The following CTNNA2 variants were observed in gnomAD, a reference collection of about 807,000 sequenced individuals.
CTNNA2 encodes the protein catenin alpha-2.
In CTNNA2, 42 loss-of-function variants were observed where a neutral mutation model predicts 101.0. The observed-to-expected ratio is 0.42, with a 90% confidence interval of 0.32 to 0.54. CTNNA2 has a LOEUF of 0.54. Among genes scored for constraint, CTNNA2 ranks in the 20% least tolerant of loss-of-function variants. CTNNA2 has a pLI of 0.14. For synonymous variants in CTNNA2, 450 were observed against 456.4 expected (o/e 0.99, Z 0.18); for missense variants, 871 against 1,223.1 (o/e 0.71, Z 4.29).
chr2:79,388,245 C>A (rs1302345735), intron 4 of CTNNA2, among the ~76,000 whole-genome samples: 1 of 152,214 alleles, frequency 6.6e-6, no homozygotes, highest in African/African-American at 2.4e-5. Context: ...GATGACTTCA[C>A]TCTCAAGAAC....
At chr2:79,593,585 A>C (rs924191490) in intron 1 of CTNNA2, among the ~76,000 whole-genome samples, 1 of 151,522 alleles carries the variant, frequency 6.6e-6, no homozygotes, top group Admixed American at 6.6e-5. Flanking sequence ...AATTCCTCCC[A>C]CCATGTCATC....
chr2:80,426,932 G>C (rs1359441874), intron 9 of CTNNA2, among the ~76,000 whole-genome samples: 1 of 152,002 alleles, frequency 6.6e-6, no homozygotes, highest in Non-Finnish European at 1.5e-5. Flanking sequence ...GGTGGGATCA[G>C]TTCCTTACGT....
intron 2 of CTNNA2, among the ~76,000 whole-genome samples, chr2:79,741,183 C>A (rs187477406): frequency 6.6e-6 from 1 of 152,244 alleles, no homozygotes; most frequent in Admixed American, 6.5e-5. Context: ...ACTTTTTCAC[C>A]TACTAATGGA....
In CTNNA2 at chr2:80,011,147, ATTAT is replaced by A. The variant is rs1693748495; in HGVS notation, c.1056+101354_1056+101357del. Among the ~76,000 whole-genome samples the A allele has an allele frequency of 3.9e-5, 6 of 152,288 alleles. No individual in the cohort carries two copies. The South Asian group carries it at 1.2e-3, about 32-fold the overall frequency. On this transcript the variant is annotated intron_variant, in intron 7 of 18. Coordinates refer to ENST00000402739, the MANE Select transcript of CTNNA2 (RefSeq NM_001282597.3). ...CAAGAGCAAATAGTCCATGCTTATT[ATTAT>A]TTAAAAAACCTAGAGTCCTTCCAAA...
intron 7 of CTNNA2, among the ~76,000 whole-genome samples, chr2:80,159,628 C>A (rs988384930): frequency 6.6e-6 from 1 of 152,136 alleles, no homozygotes; most frequent in Non-Finnish European, 1.5e-5. Flanking sequence ...CAGGCATGCA[C>A]CACCAGAGCT....
intron 6 of CTNNA2, among the ~76,000 whole-genome samples, chr2:79,902,682 A>C (rs1289222560): frequency 6.7e-6 from 1 of 148,736 alleles, no homozygotes; most frequent in African/African-American, 2.5e-5. Flanking sequence ...GCTGGAGTGC[A>C]GTGGTGCGAG....
At chr2:79,586,991 C>G (rs922465838) in intron 1 of CTNNA2, among the ~76,000 whole-genome samples, 1 of 152,112 alleles carries the variant, frequency 6.6e-6, no homozygotes, top group African/African-American at 2.4e-5. Context: ...GCTGCAAAGG[C>G]CATTGTTTCA....
chr2:79,210,844 A>T (rs1674162355), intron 2 of CTNNA2, among the ~76,000 whole-genome samples: 1 of 152,104 alleles, frequency 6.6e-6, no homozygotes, highest in South Asian at 2.1e-4. Flanking sequence ...CGTATTCCCA[A>T]GAGATGATGT....
Position 80,367,327 on chromosome 2 carries a change from C to T in CTNNA2, c.1057-25884C>T, listed in dbSNP as rs944030817. Reference sequence around the variant, plus strand: ...ACCCAGGTTTGAGACCTCCGACTGACTAGTCTTGTAACCACAGGCAAATTT... The same window carrying T: ...ACCCAGGTTTGAGACCTCCGACTGATTAGTCTTGTAACCACAGGCAAATTT... On this transcript the variant is annotated intron_variant, in intron 7 of 18. Transcript: ENST00000402739. Among the ~76,000 whole-genome samples, 13 of 152,216 alleles carry T rather than the reference C, an allele frequency of 8.5e-5. No individual in the cohort carries two copies. The East Asian group carries it at 2.3e-3, about 27-fold the overall frequency.
intron 4 of CTNNA2, among the ~76,000 whole-genome samples, chr2:79,405,253 A>G (rs982203142): frequency 6.6e-6 from 1 of 152,072 alleles, no homozygotes; most frequent in Non-Finnish European, 1.5e-5. Flanking sequence ...AATTCTGTCA[A>G]CAACCTGAGA....
chr2:79,900,043 T>G (rs996093028), intron 6 of CTNNA2, among the ~76,000 whole-genome samples: 3 of 152,198 alleles, frequency 2.0e-5, no homozygotes, highest in African/African-American at 7.2e-5. Context: ...TTTAGACACC[T>G]CGGTTAATTT....
chr2:79,899,043 T>C (rs1215725189), intron 6 of CTNNA2, among the ~76,000 whole-genome samples: 1 of 152,078 alleles, frequency 6.6e-6, no homozygotes, highest in Non-Finnish European at 1.5e-5. Flanking sequence ...TTGTAAAGCA[T>C]AGGGGAGGCT....
chr2:79,907,479 C>G (rs1173527198), intron 6 of CTNNA2, among the ~76,000 whole-genome samples: 1 of 152,100 alleles, frequency 6.6e-6, no homozygotes, highest in Non-Finnish European at 1.5e-5. Context: ...AGACACAACA[C>G]TAGTACGTAT....
chr2:80,556,544 T>C (rs1693052348), intron 12 of CTNNA2, among the ~76,000 whole-genome samples: 1 of 152,106 alleles, frequency 6.6e-6, no homozygotes, highest in Non-Finnish European at 1.5e-5. Flanking sequence ...TCAGGTATGG[T>C]TACTTATGGG....
chr2:79,679,177 T>G (rs1039628795), intron 2 of CTNNA2, among the ~76,000 whole-genome samples: 21 of 152,218 alleles, frequency 1.4e-4, no homozygotes, highest in African/African-American at 4.8e-4. Flanking sequence ...GTTTTAACAG[T>G]GGGTTTTCCT....
At chr2:79,853,515 G>A (rs918931119) in intron 3 of CTNNA2, among the ~76,000 whole-genome samples, 1 of 152,074 alleles carries the variant, frequency 6.6e-6, no homozygotes, top group African/African-American at 2.4e-5. Flanking sequence ...CAAGCATTTA[G>A]AGTGCTGACC....
chr2:79,728,963 T>C (rs1039617770), intron 2 of CTNNA2, among the ~76,000 whole-genome samples: 4 of 152,208 alleles, frequency 2.6e-5, no homozygotes, highest in African/African-American at 9.6e-5. Flanking sequence ...AGTACCATGC[T>C]GTTTTGGTTA....
At chr2:80,470,603 G>C (rs7419716) in intron 9 of CTNNA2, among the ~76,000 whole-genome samples, 66,619 of 151,934 alleles carry the variant, frequency 0.44, 17,209 homozygotes, top group African/African-American at 0.69. Flanking sequence ...GCAGTTGTCA[G>C]TATTACTTCA....
intron 1 of CTNNA2, among the ~76,000 whole-genome samples, chr2:79,650,684 G>A (rs1198336262): frequency 2.0e-5 from 3 of 148,270 alleles, no homozygotes; most frequent in Non-Finnish European, 4.5e-5. Context: ...TGTGCACATT[G>A]TGCAGGTTAG....
Sources: gnomAD v4.1 joint callset for allele counts (sites outside exome capture counted in the v4.1 genomes callset) on GRCh38, gnomAD v4.1.1 for gene constraint, MANE v1.5 for transcripts, NCBI Gene and HGNC (gene_info 2026-07-23, HGNC 2026-07-21) for gene names.